The following ERCC3 variants were observed in gnomAD, a reference collection of about 807,000 sequenced individuals.
The protein encoded by ERCC3 is ERCC excision repair 3, TFIIH core complex helicase subunit.
In ERCC3, 66 loss-of-function variants were observed where a neutral mutation model predicts 94.2. That is an observed-to-expected ratio of 0.70 (90% CI 0.57 to 0.86). The LOEUF is 0.86. ERCC3 is among the 40% of genes least tolerant of loss of function. The pLI is 0.00. For missense variants in ERCC3, 829 were observed against 987.1 expected (o/e 0.84, Z 2.15); for synonymous variants, 349 against 369.1 (o/e 0.95, Z 0.63).
In ERCC3 at chr2:127,277,396, A is replaced by G. The variant is rs963536083; in HGVS notation, c.1730+1777T>C. Among the ~76,000 whole-genome samples the G allele has an allele frequency of 6.6e-6, 1 of 152,238 alleles. No homozygotes were observed. Among genetic ancestry groups the G allele is most frequent in the Admixed American group, 6.5e-5 (1 of 15,280 alleles). On this transcript the variant is annotated intron_variant, in intron 10 of 14. Transcript: ENST00000285398. This position sits in a 1 kb window ranked among gnomAD's most constrained non-coding sequence, Gnocchi z 5.1. Reference sequence around the variant, plus strand: ...CTCCAAGGCAAAAAAACATTTACAAAAAAGAAAATGTAAGGCCGGGCATGG... The same window carrying G: ...CTCCAAGGCAAAAAAACATTTACAAGAAAGAAAATGTAAGGCCGGGCATGG...
chr2:127,283,995 T>C (rs1684994355), intron 8 of ERCC3, among the ~76,000 whole-genome samples: 1 of 152,186 alleles, frequency 6.6e-6, no homozygotes, highest in African/African-American at 2.4e-5. Context: ...CCAGCTCCTT[T>C]GAGAGTGTTC....
intron 8 of ERCC3, among the ~76,000 whole-genome samples, chr2:127,285,731 G>A (rs1685043771): frequency 6.6e-6 from 1 of 151,600 alleles, no homozygotes; most frequent in Non-Finnish European, 1.5e-5. Flanking sequence ...CACACCTGTA[G>A]TCCCAGCTAC....
At chr2:127,276,049 A>G (rs1034272601) in intron 10 of ERCC3, among the ~76,000 whole-genome samples, 2 of 152,160 alleles carry the variant, frequency 1.3e-5, no homozygotes, top group Non-Finnish European at 2.9e-5. Flanking sequence ...GGCCACCTCC[A>G]CTGGTGGGGC....
At chr2:127,278,465 T>C (rs1684802393) in intron 10 of ERCC3, among the ~76,000 whole-genome samples, 1 of 152,208 alleles carries the variant, frequency 6.6e-6, no homozygotes, top group African/African-American at 2.4e-5. Context: ...TCTATGAGTT[T>C]GTCTTCCCTT....
chr2:127,261,504 G>A (rs1189154656), intron 12 of ERCC3, 158 bp from the exon 13 acceptor site: 1 of 703,968 alleles, frequency 1.4e-6, no homozygotes, highest in East Asian at 2.5e-5. Context: ...TCAAAATTTG[G>A]AAGTCTTTTG....
In ERCC3 at chr2:127,280,818, C is replaced by A. The variant is rs1050588312; in HGVS notation, c.1343-187G>T. On this transcript the variant is annotated intron_variant, in intron 8 of 14. Coordinates refer to ENST00000285398, the MANE Select transcript of ERCC3 (RefSeq NM_000122.2). The surrounding 1 kb of genome is among the most constrained non-coding windows in gnomAD (Gnocchi z 6.3). ...CTGGGATTACAGACGTGACCCACTG[C>A]ACCCAGCCTACACTGTCACTTTTTC... 9 of 620,700 alleles carry A rather than the reference C, an allele frequency of 1.4e-5. No individual in the cohort carries two copies. The highest frequency in any genetic ancestry group is 2.6e-5 in the Non-Finnish European group (9 of 352,864). 38.4% of individuals were successfully genotyped at this position (620,700 alleles called of 1,614,324 possible). A position where few individuals can be genotyped will look rare whatever the true frequency, so the allele number is the denominator to read the frequency against.
In ERCC3 at chr2:127,288,636, C is replaced by A. The variant is rs532475699; in HGVS notation, c.1027+24G>T. 5.6e-6 allele frequency: 9 copies of A among 1,604,250 alleles called. No homozygotes were observed. The East Asian group carries it at 1.6e-4, about 28-fold the overall frequency. The stretch of plus-strand genomic sequence containing the variant: ...GATCCAGACACAACAGCCTGACCAC[C>A]TTCTTAACTCTGGTACCACTTACCG... On this transcript the variant is annotated intron_variant, in intron 7 of 14. Coordinates refer to ENST00000285398, the MANE Select transcript of ERCC3 (RefSeq NM_000122.2).
chr2:127,262,412 G>C (rs1222789040), intron 12 of ERCC3: 1 of 152,340 alleles, frequency 6.6e-6, no homozygotes. Context: ...AGAATCCCTT[G>C]AACCTGCGAG....
intron 5 of ERCC3, 38 bp downstream of exon 5, chr2:127,289,651 C>T: frequency 1.2e-6 from 2 of 1,613,646 alleles, no homozygotes; most frequent in South Asian, 2.2e-5. Flanking sequence ...ATCCTAAATG[C>T]CTGCCCCCAC....
chr2:127,273,260 C>A (rs935027789), intron 10 of ERCC3, among the ~76,000 whole-genome samples: 1 of 152,088 alleles, frequency 6.6e-6, no homozygotes, highest in African/African-American at 2.4e-5. Flanking sequence ...AGAGTCTATA[C>A]AAGGAGCATC....
At chr2:127,273,969 G>A (rs1684652313) in intron 10 of ERCC3, among the ~76,000 whole-genome samples, 1 of 151,138 alleles carries the variant, frequency 6.6e-6, no homozygotes, top group African/African-American at 2.4e-5. Flanking sequence ...ACAAACTACA[G>A]GTACGCAGGA....
chr2:127,289,316 G>C (rs916626578), intron 6 of ERCC3, 21 bp downstream of exon 6: 2 of 1,609,856 alleles, frequency 1.2e-6, no homozygotes, highest in South Asian at 2.2e-5. Context: ...AAGGAACCAG[G>C]AGGAAGGTAC....
At position 127,280,317 on chromosome 2, in the gene ERCC3, A is replaced by T. The variant is rs1343991851; in HGVS notation, c.1527+130T>A. The T allele has an allele frequency of 1.1e-5, 9 of 826,660 alleles. No homozygotes were observed. Among genetic ancestry groups the T allele is most frequent in the African/African-American group, 3.4e-5 (2 of 59,178 alleles). 51.2% of individuals were successfully genotyped at this position (826,660 alleles called of 1,614,324 possible). ...CCACCCAACCACAGGGTGACTGAGG[A>T]TCCTGTATGAAGTGGTAGCAGGTGA... On this transcript the variant is annotated intron_variant, in intron 9 of 14. Coordinates refer to ENST00000285398, the MANE Select transcript of ERCC3 (RefSeq NM_000122.2). This position sits in a 1 kb window ranked among gnomAD's most constrained non-coding sequence, Gnocchi z 6.3.
rs1252790883 is a variant in ERCC3 at position 127,289,974 on chromosome 2, GAT to G, written c.522-152_522-151del. 5.2e-6 allele frequency: 5 copies of G among 967,216 alleles called. No homozygotes were observed. In the East Asian group the frequency reaches 1.3e-4, roughly 24 times the overall value. The allele number at this position is 967,216 out of a possible 1,614,324, so 59.9% of individuals were successfully genotyped here. On this transcript the variant is annotated intron_variant, in intron 4 of 14. Transcript: ENST00000285398. ...ATCTGTACCATGAGCTGCCGGCCAT[GAT>G]TTAACATATGAGGGTTGTGACTTTG...
At chr2:127,293,411 A>T in intron 2 of ERCC3, 102 bp downstream of exon 2, 1 of 1,079,746 alleles carries the variant, frequency 9.3e-7, no homozygotes, top group Admixed American at 2.0e-5. Context: ...GGCCAGTTCT[A>T]GGGGCAGTAT....
chr2:127,269,146 C>A (rs1483750045), intron 12 of ERCC3, among the ~76,000 whole-genome samples: 2 of 152,164 alleles, frequency 1.3e-5, no homozygotes, highest in Non-Finnish European at 2.9e-5. Flanking sequence ...TAGACTACAG[C>A]TGACCATGCG....
intron 8 of ERCC3, among the ~76,000 whole-genome samples, chr2:127,282,520 C>T (rs779300083): frequency 7.2e-5 from 11 of 152,190 alleles, no homozygotes; most frequent in Non-Finnish European, 1.2e-4. Flanking sequence ...CATAACAGAG[C>T]TCCTTTTGAA....
intron 1 of ERCC3, 132 bp from the exon 2 acceptor site, chr2:127,293,850 C>T: frequency 6.4e-7 from 1 of 1,566,152 alleles, no homozygotes; most frequent in Middle Eastern, 2.0e-4. Context: ...GGCGTTGCGC[C>T]CCTCACCCGT....
Position 127,280,387 on chromosome 2 carries a change from C to T in ERCC3, c.1527+60G>A, listed in dbSNP as rs1573949789. The T allele has an allele frequency of 6.9e-7, 1 of 1,454,814 alleles. No homozygotes were observed. Among genetic ancestry groups the T allele is most frequent in the East Asian group, 2.4e-5 (1 of 41,878 alleles). 90.1% of individuals were successfully genotyped at this position (1,454,814 alleles called of 1,614,324 possible). ...TCTGCCCATGAGGAATCGATCTGAT[C>T]ACTCCCCTGCCCATAGGAGGAGGCC... On this transcript the variant is annotated intron_variant, in intron 9 of 14. Transcript: ENST00000285398. The surrounding 1 kb of genome is among the most constrained non-coding windows in gnomAD (Gnocchi z 6.3).
Sources: allele counts gnomAD v4.1 joint callset (sites outside exome capture counted in the v4.1 genomes callset), GRCh38; gene constraint gnomAD v4.1.1; non-coding constraint Gnocchi (gnomAD v3.1); transcripts MANE v1.5; gene names NCBI Gene and HGNC (gene_info 2026-07-23, HGNC 2026-07-21).